The following CDH22 variants were observed in gnomAD, a reference collection of about 807,000 sequenced individuals.
CDH22 encodes the protein cadherin 22.
CDH22 carries 30 observed loss-of-function variants against 58.4 expected under a neutral mutation model. The ratio of observed to expected loss-of-function variants is 0.51; its 90% CI spans 0.38 to 0.70. The LOEUF is 0.70. Ranked by LOEUF, CDH22 falls within the 30% of genes least tolerant of loss-of-function variation. The pLI is 0.00. For synonymous variants in CDH22, 513 were observed against 558.2 expected (o/e 0.92, Z 1.14); for missense variants, 1,014 against 1,233.9 (o/e 0.82, Z 2.67).
At chr20:46,196,470 C>T (rs751942987) in intron 8 of CDH22, among the ~76,000 whole-genome samples, 3 of 152,134 alleles carry the variant, frequency 2.0e-5, no homozygotes, top group Admixed American at 6.5e-5. Flanking sequence ...CATGGGGTTT[C>T]GCCATGTTGG....
intron 4 of CDH22, among the ~76,000 whole-genome samples, chr20:46,217,553 C>T (rs1459361023): frequency 6.6e-6 from 1 of 152,106 alleles, no homozygotes; most frequent in Admixed American, 6.5e-5. Context: ...TCACATGCTG[C>T]CACTCATACA....
chr20:46,240,842 C>T lies in CDH22; in HGVS notation c.550+121G>A, dbSNP rs528950339. 4.4e-6 allele frequency: 4 copies of T among 911,028 alleles called. No homozygotes were observed. The South Asian group carries it at 6.9e-5, about 16-fold the overall frequency. The allele number at this position is 911,028 out of a possible 1,614,324, so 56.4% of individuals were successfully genotyped here. On this transcript the variant is annotated intron_variant, in intron 3 of 11. Transcript: ENST00000537909. ...TGAGCTCACATCTGTACCCTGTACC[C>T]TAGGTCAGCAGGCTCTGTCTTTTCT...
Position 46,213,074 on chromosome 20 carries a change from T to A in CDH22, c.953A>T (p.Asp318Val), listed in dbSNP as rs752211771. The A allele has an allele frequency of 2.2e-5, 36 of 1,614,056 alleles. No homozygotes were observed. Among genetic ancestry groups the A allele is most frequent in the Non-Finnish European group, 3.0e-5 (35 of 1,180,034 alleles). The change falls in exon 6 of 12, where the codon GAC becomes GTC. Residue 318 changes from aspartate (D) to valine (V), a missense_variant. Physicochemically the swap from Asp to Val is radical, Grantham distance 152 (BLOSUM62 -3). This residue lies in a region of CDH22 where 806 missense variants were observed against 1,038.7 expected (regional missense o/e 0.78). Coordinates refer to ENST00000537909, the MANE Select transcript of CDH22 (RefSeq NM_021248.3). ...CACATCGCCGCCGCTGCTGCTCTCG[T>A]CCTTAAGGTGGTAAGTCATGTCTGT... The part of the protein sequence containing the change: ...ENTDMTYHLK[D>V]ESSSGGDVFK...
chr20:46,293,993 C>T (rs961319625), intron 1 of CDH22, among the ~76,000 whole-genome samples: 7 of 152,108 alleles, frequency 4.6e-5, no homozygotes, highest in African/African-American at 1.4e-4. Context: ...CCAGCCTGGG[C>T]GACAGAGCGA....
chr20:46,181,798 C>CTTT (rs2085791366), intron 10 of CDH22, among the ~76,000 whole-genome samples: 1 of 30,992 alleles, frequency 3.2e-5, no homozygotes, highest in Non-Finnish European at 6.4e-5. Flanking sequence ...TTTCTTTTCT[C>CTTT]TCTCTTTCTC....
intron 1 of CDH22, among the ~76,000 whole-genome samples, chr20:46,266,899 G>C (rs1215920284): frequency 6.8e-6 from 1 of 147,338 alleles, no homozygotes; most frequent in Non-Finnish European, 1.5e-5. Flanking sequence ...TAACAGGAAG[G>C]TCTATAGGGT....
intron 1 of CDH22, among the ~76,000 whole-genome samples, chr20:46,283,662 C>A (rs1158012470): frequency 6.6e-6 from 1 of 152,108 alleles, no homozygotes; most frequent in East Asian, 1.9e-4. Flanking sequence ...ATGCCAGCAC[C>A]TCCCCAGGTA....
chr20:46,247,833 C>T (rs928520746), intron 2 of CDH22, among the ~76,000 whole-genome samples: 1 of 152,158 alleles, frequency 6.6e-6, no homozygotes, highest in Non-Finnish European at 1.5e-5. Flanking sequence ...CTTCTCCCTC[C>T]CTGGATGGAG....
chr20:46,206,444 A>G (rs954702962), intron 7 of CDH22, among the ~76,000 whole-genome samples: 3 of 152,118 alleles, frequency 2.0e-5, no homozygotes, highest in Non-Finnish European at 4.4e-5. Context: ...GCTTTCCTAT[A>G]ATTTCCAGGC....
intron 1 of CDH22, among the ~76,000 whole-genome samples, chr20:46,296,234 C>T (rs975279045): frequency 1.3e-5 from 2 of 152,140 alleles, no homozygotes; most frequent in African/African-American, 4.8e-5. Context: ...TCTCACAGCC[C>T]GAAGTCCTGA....
chr20:46,218,607 CACCCCCTCCCACA>C lies in CDH22; in HGVS notation c.671-1627_671-1615del, dbSNP rs202169207. On this transcript the variant is annotated intron_variant, in intron 4 of 11. Transcript: ENST00000537909. Reference sequence around the variant, plus strand: ...AGCTACCACCTCACATTCTTATTCACACCCCCTCCCACAACCAAATTATCCCCCAGCCTTAGAG... The same window carrying C: ...AGCTACCACCTCACATTCTTATTCACACCAAATTATCCCCCAGCCTTAGAG... Among the ~76,000 whole-genome samples the C allele has an allele frequency of 7.7e-3, 1,176 of 152,308 alleles. 18 individuals are homozygous for C. Among genetic ancestry groups the C allele is most frequent in the Admixed American group, 0.027 (408 of 15,300 alleles).
chr20:46,294,381 C>T (rs957508080), intron 1 of CDH22, among the ~76,000 whole-genome samples: 2 of 152,154 alleles, frequency 1.3e-5, no homozygotes, highest in African/African-American at 4.8e-5. Flanking sequence ...CTTTCTTCCT[C>T]CTGCCCCAAG....
At chr20:46,228,200 A>G (rs2086193765) in intron 3 of CDH22, among the ~76,000 whole-genome samples, 1 of 152,232 alleles carries the variant, frequency 6.6e-6, no homozygotes, top group African/African-American at 2.4e-5. Flanking sequence ...GGACAGACCA[A>G]TTCATCGGGG....
chr20:46,191,345 C>G (rs577598759), intron 8 of CDH22, among the ~76,000 whole-genome samples: 26 of 152,046 alleles, frequency 1.7e-4, no homozygotes, highest in Non-Finnish European at 3.2e-4. Context: ...TAATGAGACT[C>G]TGGATCTCTT....
chr20:46,246,759 G>A (rs567757611), intron 2 of CDH22, among the ~76,000 whole-genome samples: 4 of 152,282 alleles, frequency 2.6e-5, no homozygotes, highest in African/African-American at 9.6e-5. Flanking sequence ...TTCACTCTGC[G>A]GATGGTGCTG....
intron 3 of CDH22, among the ~76,000 whole-genome samples, chr20:46,236,233 G>A (rs1488720682): frequency 6.6e-6 from 1 of 151,956 alleles, no homozygotes; most frequent in Non-Finnish European, 1.5e-5. Context: ...AACGCTGGGG[G>A]GGACAAGGGC....
At chr20:46,182,601 C>A (rs966418744) in intron 10 of CDH22, among the ~76,000 whole-genome samples, 1 of 152,194 alleles carries the variant, frequency 6.6e-6, no homozygotes, top group Admixed American at 6.5e-5. Flanking sequence ...CAGGCATCAA[C>A]CCTGAATGCA....
chr20:46,287,071 G>A (rs1017667712), intron 1 of CDH22, among the ~76,000 whole-genome samples: 4 of 152,056 alleles, frequency 2.6e-5, no homozygotes, highest in African/African-American at 7.2e-5. Context: ...GGCATGGTCC[G>A]TCATCCCATG....
At chr20:46,199,626 C>T (rs1281096603) in intron 7 of CDH22, 67 bp from the exon 8 acceptor site, 2 of 1,554,462 alleles carry the variant, frequency 1.3e-6, no homozygotes, top group East Asian at 2.3e-5. Flanking sequence ...GTCCTTTTCT[C>T]CCAACCCCAC....
Sources: allele counts gnomAD v4.1 joint callset (sites outside exome capture counted in the v4.1 genomes callset), GRCh38; gene constraint gnomAD v4.1.1; regional missense constraint gnomAD v4.1.1; transcripts MANE v1.5; gene names NCBI Gene and HGNC (gene_info 2026-07-23, HGNC 2026-07-21).